VCPIP1: variants seen among roughly 807,000 people sequenced by gnomAD.
VCPIP1 encodes the protein valosin containing protein interacting protein 1.
VCPIP1 carries 8 observed loss-of-function variants against 85.0 expected under a neutral mutation model. The ratio of observed to expected loss-of-function variants is 0.09; its 90% CI spans 0.06 to 0.17. The LOEUF (loss-of-function observed/expected upper bound fraction) is 0.17. Among genes scored for constraint, VCPIP1 ranks in the 10% least tolerant of loss-of-function variants. VCPIP1 has a pLI of 1.00. For missense variants in VCPIP1, 1,070 were observed against 1,486.3 expected (o/e 0.72, Z 4.61); for synonymous variants, 543 against 544.5 (o/e 1.00, Z 0.04).
intron 1 of VCPIP1, 70 bp from the exon 2 acceptor site, chr8:66,651,614 G>C: frequency 7.9e-7 from 1 of 1,266,526 alleles, no homozygotes; most frequent in South Asian, 1.3e-5. Flanking sequence ...CTTTAGTAAG[G>C]ATTAGCCTAG....
intron 2 of VCPIP1, among the ~76,000 whole-genome samples, chr8:66,648,573 C>A (rs970861902): frequency 2.0e-5 from 3 of 147,282 alleles, no homozygotes; most frequent in Non-Finnish European, 3.0e-5. Flanking sequence ...ATCTATCTAT[C>A]TATCTGAGTC....
rs770468232 is a variant in VCPIP1 at position 66,666,204 on chromosome 8, C to T, written c.755G>A (p.Arg252Gln). 1.3e-5 allele frequency: 21 copies of T among 1,613,784 alleles called. No individual in the cohort carries two copies. Among genetic ancestry groups the T allele is most frequent in the South Asian group, 2.2e-5 (2 of 91,058 alleles). The change falls in exon 1 of 3, where the codon CGA becomes CAA. Residue 252 changes from arginine to glutamine, a missense_variant. By Grantham distance (43) the Arg-to-Gln change is conservative. Around this residue, in one of 8 missense-constraint regions of VCPIP1, gnomAD observed 118 missense variants for 337.1 expected, o/e 0.35. Transcript: ENST00000310421. This position sits in a 1 kb window ranked among gnomAD's most constrained non-coding sequence, Gnocchi z 6.3. ...GAAGTCATGGAACAGAGCTTGATATCGGGCCAGGTGCTGCTGAAAGTGCTG... is the reference window on the plus strand; with the variant it reads ...GAAGTCATGGAACAGAGCTTGATATTGGGCCAGGTGCTGCTGAAAGTGCTG... ...LKQHFQQHLA[R>Q]YQALFHDFID...
At chr8:66,640,655 G>A (rs1489618856) in intron 2 of VCPIP1, among the ~76,000 whole-genome samples, 3 of 152,206 alleles carry the variant, frequency 2.0e-5, no homozygotes, top group Non-Finnish European at 4.4e-5. Context: ...AACGAGAGAA[G>A]AGAAGAAACA....
rs1811143763 is a variant in VCPIP1 at position 66,660,367 on chromosome 8, A to T, written c.2710+3882T>A. ...ACAAATAATTAAACCAACAAATAAG[A>T]TTATTAAAAATTGTGATAGATGCCG... On this transcript the variant is annotated intron_variant, in intron 1 of 2. Coordinates refer to ENST00000310421, the MANE Select transcript of VCPIP1 (RefSeq NM_025054.5). Among the ~76,000 whole-genome samples, 3 of 152,324 alleles carry T rather than the reference A, an allele frequency of 2.0e-5. No individual in the cohort carries two copies. The South Asian group carries it at 6.2e-4, about 32-fold the overall frequency.
rs1810843059 is a variant in VCPIP1, at chr8:66,632,387, A to G, written c.*2114T>C. ...TTATTCATTTATCAAGGGAGAACCCAAACTATTACTGTACTATTCATACCT... is the reference window on the plus strand; with the variant it reads ...TTATTCATTTATCAAGGGAGAACCCGAACTATTACTGTACTATTCATACCT... On this transcript the variant is annotated 3_prime_UTR_variant, in exon 3 of 3. Transcript: ENST00000310421. 1 of 152,138 alleles carries G rather than the reference A, an allele frequency of 6.6e-6. No homozygotes were observed. The highest frequency in any genetic ancestry group is 1.5e-5 in the Non-Finnish European group (1 of 67,958). The allele number at this position is 152,138 out of a possible 1,614,324, so 9.4% of individuals were successfully genotyped here.
At position 66,632,628 on chromosome 8, in the gene VCPIP1, A is replaced by C. The variant is rs148755492; in HGVS notation, c.*1873T>G. The C allele has an allele frequency of 6.6e-6, 1 of 152,158 alleles. No individual in the cohort carries two copies. Among genetic ancestry groups the C allele is most frequent in the Non-Finnish European group, 1.5e-5 (1 of 67,954 alleles). 9.4% of individuals were successfully genotyped at this position (152,158 alleles called of 1,614,324 possible). ...GTTAAAGAAGATTATATCATTTTAC[A>C]TGAAAGCAGTGCATTTTTTGCTTAA... On this transcript the variant is annotated 3_prime_UTR_variant, in exon 3 of 3. Transcript: ENST00000310421.
intron 2 of VCPIP1, among the ~76,000 whole-genome samples, chr8:66,642,347 T>C (rs147822601): frequency 2.4e-4 from 36 of 152,358 alleles, no homozygotes; most frequent in African/African-American, 8.7e-4. Flanking sequence ...CATTCTCAGA[T>C]ACATGTTTGC....
chr8:66,628,524 AATTGATT>A lies in VCPIP1; in HGVS notation c.*5970_*5976del, dbSNP rs1381832305. On this transcript the variant is annotated 3_prime_UTR_variant, in exon 3 of 3. Coordinates refer to ENST00000310421, the MANE Select transcript of VCPIP1 (RefSeq NM_025054.5). ...ATATACATTTTTAATGATTAGAAAC[AATTGATT>A]ATTAAGTCAGAATTGCAGTTGCTGG... 6.6e-6 allele frequency: 1 copy of A among 152,240 alleles called. No homozygotes were observed. The highest frequency in any genetic ancestry group is 1.5e-5 in the Non-Finnish European group (1 of 68,046). 9.4% of individuals were successfully genotyped at this position (152,240 alleles called of 1,614,324 possible).
chr8:66,654,057 A>T (rs951495523), intron 1 of VCPIP1, among the ~76,000 whole-genome samples: 1 of 152,212 alleles, frequency 6.6e-6, no homozygotes, highest in African/African-American at 2.4e-5. Flanking sequence ...CTCTACAGAC[A>T]AGGAAACAAG....
intron 1 of VCPIP1, among the ~76,000 whole-genome samples, chr8:66,654,167 T>C (rs1422581583): frequency 6.6e-6 from 1 of 152,182 alleles, no homozygotes; most frequent in South Asian, 2.1e-4. Flanking sequence ...TACCCTCCTT[T>C]CCATTGACAT....
At chr8:66,649,862 G>T (rs981303361) in intron 2 of VCPIP1, among the ~76,000 whole-genome samples, 8 of 151,978 alleles carry the variant, frequency 5.3e-5, no homozygotes, top group African/African-American at 1.9e-4. Flanking sequence ...GAATTTTACT[G>T]TTTATAAATT....
intron 1 of VCPIP1, among the ~76,000 whole-genome samples, chr8:66,653,140 C>G (rs1811069436): frequency 6.6e-6 from 1 of 152,120 alleles, no homozygotes; most frequent in Non-Finnish European, 1.5e-5. Flanking sequence ...TTCAGTTAAT[C>G]AAAACATTTA....
In VCPIP1 at chr8:66,666,860, C is replaced by T; in HGVS notation, c.99G>A (p.Ser33=). The stretch of plus-strand genomic sequence containing the variant: ...GGTCTCTCCGCTTCAAAAGCCCCCC[C>T]GAAGCAGCCGCCGACGCCAAGGACG... ...TPSSLASAAA[S]GGLLKRRDRR... Residue 33 remains serine, a synonymous_variant, in exon 1 of 3, where the codon TCG becomes TCA. Transcript: ENST00000310421. This position sits in a 1 kb window ranked among gnomAD's most constrained non-coding sequence, Gnocchi z 6.3. The T allele has an allele frequency of 1.2e-6, 2 of 1,613,122 alleles. No homozygotes were observed. Among genetic ancestry groups the T allele is most frequent in the African/African-American group, 1.3e-5 (1 of 75,040 alleles).
intron 1 of VCPIP1, among the ~76,000 whole-genome samples, chr8:66,659,280 G>A (rs1199057008): frequency 1.0e-4 from 15 of 150,482 alleles, no homozygotes; most frequent in Admixed American, 1.0e-3. Flanking sequence ...CACTGCAACC[G>A]CACCAGGTCT....
intron 2 of VCPIP1, among the ~76,000 whole-genome samples, chr8:66,642,742 A>C (rs1198277896): frequency 1.3e-5 from 2 of 152,204 alleles, no homozygotes; most frequent in Non-Finnish European, 2.9e-5. Context: ...AATAATTTCA[A>C]ACTAGAAACA....
intron 2 of VCPIP1, among the ~76,000 whole-genome samples, chr8:66,644,948 A>G (rs576970070): frequency 6.6e-6 from 1 of 151,746 alleles, no homozygotes; most frequent in African/African-American, 2.4e-5. Flanking sequence ...AAAATACAAA[A>G]ATTAGCTGGG....
In VCPIP1 at chr8:66,658,671, T is replaced by C. The variant is rs889649568; in HGVS notation, c.2710+5578A>G. 1.6e-4 allele frequency among the ~76,000 whole-genome samples: 25 copies of C among 151,932 alleles called. 1 individual carries two copies. Among genetic ancestry groups the C allele is most frequent in the Admixed American group, 1.5e-3 (23 of 15,242 alleles). Reference sequence around the variant, plus strand: ...GCCCGGCTAATTTTTGTATTTTTAGTAGAGACGGGGTTTCACCATCTTGGC... The same window carrying C: ...GCCCGGCTAATTTTTGTATTTTTAGCAGAGACGGGGTTTCACCATCTTGGC... On this transcript the variant is annotated intron_variant, in intron 1 of 2. Transcript: ENST00000310421.
At chr8:66,664,132 AAT>A in intron 1 of VCPIP1, 115 bp downstream of exon 1, 1 of 1,274,180 alleles carries the variant, frequency 7.8e-7, no homozygotes, top group East Asian at 2.6e-5. Flanking sequence ...TCTCTCCTGA[AAT>A]ATATAATTAA....
chr8:66,654,498 C>T (rs1046462030), intron 1 of VCPIP1, among the ~76,000 whole-genome samples: 3 of 152,100 alleles, frequency 2.0e-5, no homozygotes, highest in Admixed American at 1.3e-4. Flanking sequence ...AGTTGTGTTT[C>T]GGCAAATTTG....
Sources: allele counts gnomAD v4.1 joint callset (sites outside exome capture counted in the v4.1 genomes callset), GRCh38; gene constraint gnomAD v4.1.1; regional missense constraint gnomAD v4.1.1; non-coding constraint Gnocchi (gnomAD v3.1); transcripts MANE v1.5; gene names NCBI Gene and HGNC (gene_info 2026-07-23, HGNC 2026-07-21).